The following DOCK4 variants were observed in gnomAD, a reference collection of about 807,000 sequenced individuals.
DOCK4 encodes the protein dedicator of cytokinesis 4.
Under a neutral mutation model 268.1 loss-of-function variants are expected in DOCK4, and 97 were observed. The ratio of observed to expected loss-of-function variants is 0.36; its 90% CI spans 0.31 to 0.43. The LOEUF is 0.43. DOCK4 is among the 20% of genes least tolerant of loss of function. The pLI is 1.00. For missense variants in DOCK4, 2,145 were observed against 2,455.7 expected, an observed-to-expected ratio of 0.87 and a Z score of 2.67; for synonymous variants, 954 against 887.2, an observed-to-expected ratio of 1.08 and a Z score of -1.34.
chr7:111,863,743 C>A (rs928280368), intron 22 of DOCK4, among the ~76,000 whole-genome samples, 179 bp from the exon 23 acceptor site: 2 of 152,146 alleles, frequency 1.3e-5, no homozygotes, highest in Non-Finnish European at 2.9e-5. Context: ...CAGAATAGGA[C>A]AGTTTTTGAA....
chr7:111,767,143 T>C (rs1292617157), intron 37 of DOCK4, 25 bp from the exon 38 acceptor site: 4 of 1,593,214 alleles, frequency 2.5e-6, no homozygotes, highest in Non-Finnish European at 3.4e-6. Context: ...ATGAGATCAA[T>C]GGAACCATCT....
intron 30 of DOCK4, among the ~76,000 whole-genome samples, chr7:111,795,078 T>C (rs762381775): frequency 6.6e-6 from 1 of 152,114 alleles, no homozygotes; most frequent in Non-Finnish European, 1.5e-5. Flanking sequence ...ATTTGTCCCA[T>C]ATTAATCCAT....
chr7:111,751,713 GGGATTACA>G (rs1204557495), intron 42 of DOCK4, among the ~76,000 whole-genome samples: 2 of 151,998 alleles, frequency 1.3e-5, no homozygotes, highest in Non-Finnish European at 2.9e-5. Flanking sequence ...CCAAAGTGTT[GGGATTACA>G]GGTATGAGCC....
rs1804162226 is a variant in DOCK4 at position 111,847,026 on chromosome 7, T to C, written c.2574A>G (p.Val858=). 6 of 1,613,578 alleles carry C rather than the reference T, an allele frequency of 3.7e-6. No individual in the cohort carries two copies. In the East Asian group the frequency reaches 1.3e-4, roughly 36 times the overall value. Residue 858 remains valine (V), a synonymous_variant, in exon 24 of 53, where the codon GTA becomes GTG. Transcript: ENST00000428084. ...LIMCARILSN[V]FCLIKKNSSE... is the part of the protein sequence containing the mutation. Reference sequence around the variant, plus strand: ...AGCTATTTTTCTTGATAAGACAAAATACGTTGCTAAGGATACGTGCACACA... The same window carrying C: ...AGCTATTTTTCTTGATAAGACAAAACACGTTGCTAAGGATACGTGCACACA...
intron 40 of DOCK4, among the ~76,000 whole-genome samples, 198 bp from the exon 41 acceptor site, chr7:111,758,988 TA>T (rs1797214124): frequency 6.6e-6 from 1 of 152,208 alleles, no homozygotes; most frequent in Non-Finnish European, 1.5e-5. Flanking sequence ...GGTCTTGAAC[TA>T]GTTCTAGGTA....
chr7:111,786,226 TG>T (rs771419463), intron 32 of DOCK4, among the ~76,000 whole-genome samples: 3 of 152,180 alleles, frequency 2.0e-5, no homozygotes, highest in Non-Finnish European at 2.9e-5. Context: ...AAGAAATACC[TG>T]AGATGAATGT....
At chr7:111,914,737 A>C (rs567763653) in intron 13 of DOCK4, among the ~76,000 whole-genome samples, 17 of 152,214 alleles carry the variant, frequency 1.1e-4, no homozygotes, top group Admixed American at 1.1e-3. Context: ...CCCTTTACCT[A>C]CACTGGTTTT....
At chr7:112,087,449 T>C (rs1809199729) in intron 1 of DOCK4, among the ~76,000 whole-genome samples, 1 of 152,126 alleles carries the variant, frequency 6.6e-6, no homozygotes, top group Non-Finnish European at 1.5e-5. Flanking sequence ...CTCATAAAAC[T>C]GCCCAAATTC....
chr7:111,768,154 A>C (rs564083494), intron 37 of DOCK4, among the ~76,000 whole-genome samples: 16 of 152,250 alleles, frequency 1.1e-4, no homozygotes, highest in African/African-American at 2.6e-4. Flanking sequence ...AAAAACGTAA[A>C]AGAGATTTGT....
At chr7:112,104,560 G>A (rs868352008) in intron 1 of DOCK4, among the ~76,000 whole-genome samples, 1 of 152,140 alleles carries the variant, frequency 6.6e-6, no homozygotes, top group East Asian at 1.9e-4. Flanking sequence ...CAAGTTCTGA[G>A]AATCAGTTTT....
At chr7:112,117,125 G>A (rs1812246218) in intron 1 of DOCK4, among the ~76,000 whole-genome samples, 1 of 152,170 alleles carries the variant, frequency 6.6e-6, no homozygotes, top group Admixed American at 6.5e-5. Context: ...TTCACTGCCT[G>A]TGTTGTAAGC....
chr7:111,877,166 A>G lies in DOCK4; in HGVS notation c.1608T>C (p.Leu536=). ...GTTTGAGGTAGCGGGTAGTATCCTG[A>G]AGATTTGTGTTTTCTTCACACTGTT... ...IVHKCEENTN[L]QDTTRYLKLP... is the part of the protein sequence containing the mutation. Residue 536 remains leucine (L), a synonymous_variant, in exon 17 of 53, where the codon CTT becomes CTC. Transcript: ENST00000428084. The G allele has an allele frequency of 6.5e-7, 1 of 1,536,650 alleles. No homozygotes were observed. The highest frequency in any genetic ancestry group is 1.3e-5 in the South Asian group (1 of 77,896).
At chr7:111,995,487 A>C (rs1199134491) in intron 4 of DOCK4, among the ~76,000 whole-genome samples, 1 of 148,368 alleles carries the variant, frequency 6.7e-6, no homozygotes, top group Non-Finnish European at 1.5e-5. Flanking sequence ...TTTAGTGGCT[A>C]TTACTACCAC....
At chr7:111,860,473 C>A (rs962313598) in intron 23 of DOCK4, among the ~76,000 whole-genome samples, 9 of 152,214 alleles carry the variant, frequency 5.9e-5, no homozygotes, top group African/African-American at 4.8e-5. Context: ...GTGACAGAAG[C>A]CTTTTCTCTG....
At chr7:112,182,108 C>G (rs1033902101) in intron 1 of DOCK4, among the ~76,000 whole-genome samples, 4 of 152,172 alleles carry the variant, frequency 2.6e-5, no homozygotes, top group African/African-American at 9.7e-5. Flanking sequence ...TGAACTTAGA[C>G]AAGTTACCTG....
intron 1 of DOCK4, among the ~76,000 whole-genome samples, chr7:112,184,786 A>ATT (rs200022210): frequency 4.2e-5 from 6 of 142,742 alleles, no homozygotes; most frequent in African/African-American, 1.4e-4. Context: ...GACCCCTACA[A>ATT]TCCCCCCCCC....
rs1381491378 is a variant in DOCK4 at position 111,944,734 on chromosome 7, CACA to C, written c.844+74_844+76del. ...CTTTCTGATTCAGACAGCAATAAAT[CACA>C]ACAACATAGAAACCTCTTGGCATTT... On this transcript the variant is annotated intron_variant, in intron 10 of 52. Transcript: ENST00000428084. The C allele has an allele frequency of 3.0e-6, 4 of 1,346,840 alleles. No individual in the cohort carries two copies. In the African/African-American group the frequency reaches 4.3e-5, roughly 15 times the overall value. 83.4% of individuals were successfully genotyped at this position (1,346,840 alleles called of 1,614,324 possible).
intron 25 of DOCK4, among the ~76,000 whole-genome samples, chr7:111,837,020 T>C (rs376159447): frequency 1.4e-4 from 21 of 151,758 alleles, no homozygotes; most frequent in African/African-American, 4.3e-4. Flanking sequence ...AACCTGTATA[T>C]CAAAAAATCT....
At chr7:112,152,645 T>C (rs1421938388) in intron 1 of DOCK4, among the ~76,000 whole-genome samples, 2 of 152,172 alleles carry the variant, frequency 1.3e-5, no homozygotes. Context: ...GATTTCTTGA[T>C]AGTTCTTGTT....
Sources: gnomAD v4.1 joint callset for allele counts (sites outside exome capture counted in the v4.1 genomes callset) on GRCh38, gnomAD v4.1.1 for gene constraint, MANE v1.5 for transcripts, NCBI Gene and HGNC (gene_info 2026-07-23, HGNC 2026-07-21) for gene names.